Variants in MCPH1 observed in about 807,000 individuals in gnomAD.
MCPH1 encodes microcephalin.
In MCPH1, 104 loss-of-function variants were observed where a neutral mutation model predicts 84.5. The ratio of observed to expected loss-of-function variants is 1.23; its 90% confidence interval spans 1.05 to 1.45. The LOEUF (loss-of-function observed/expected upper bound fraction) is 1.45, where lower values mean the gene tolerates loss of function less well. Ranked by LOEUF, MCPH1 falls within the 40% of genes most tolerant of loss-of-function variation. MCPH1 has a pLI of 0.00. For synonymous variants in MCPH1, 514 were observed against 366.8 expected, an observed-to-expected ratio of 1.40 and a Z score of -4.58; for missense variants, 1,498 against 1,005.7, an observed-to-expected ratio of 1.49 and a Z score of -6.62.
intron 3 of MCPH1, among the ~76,000 whole-genome samples, chr8:6,423,023 A>G (rs1290103338): frequency 6.6e-6 from 1 of 150,816 alleles, no homozygotes; most frequent in African/African-American, 2.5e-5. Context: ...GGGTTTCACC[A>G]TGTTGGCCAG....
rs139371810 is a variant in MCPH1 at position 6,527,660 on chromosome 8, G to A, written c.2214+27731G>A. 1.2e-5 allele frequency: 19 copies of A among 1,613,490 alleles called. No individual in the cohort carries two copies. Among genetic ancestry groups the A allele is most frequent in the Admixed American group, 3.3e-5 (2 of 59,994 alleles). ...TTCCAAGAGCTGAAGTTCAAGTCTC[G>A]TGGTCTGATTTAATACCTAAATGTA... is the stretch of plus-strand genomic sequence containing the variant. On this transcript the variant is annotated intron_variant, in intron 12 of 13. Transcript: ENST00000344683.
intron 12 of MCPH1, among the ~76,000 whole-genome samples, chr8:6,548,953 A>T (rs1027056997): frequency 1.3e-5 from 2 of 152,100 alleles, no homozygotes; most frequent in Non-Finnish European, 2.9e-5. Context: ...ACCTGGGGGG[A>T]ATTATGTTTA....
chr8:6,641,291 T>G (rs530691971), intron 13 of MCPH1, among the ~76,000 whole-genome samples: 7 of 152,206 alleles, frequency 4.6e-5, no homozygotes, highest in Non-Finnish European at 1.0e-4. Context: ...TTTTACAACC[T>G]GGAAGAAAAT....
chr8:6,593,512 G>C (rs895881641), intron 12 of MCPH1, among the ~76,000 whole-genome samples: 2 of 151,988 alleles, frequency 1.3e-5, no homozygotes, highest in African/African-American at 4.8e-5. Context: ...ACGCCACCAC[G>C]CCTGGCTAAT....
At chr8:6,597,375 T>C (rs1442861371) in intron 12 of MCPH1, among the ~76,000 whole-genome samples, 1 of 152,204 alleles carries the variant, frequency 6.6e-6, no homozygotes, top group Admixed American at 6.5e-5. Context: ...TAGGAAGAGA[T>C]TCCTTAAAGC....
intron 12 of MCPH1, chr8:6,503,327 A>C (rs1812576557): frequency 1.3e-6 from 2 of 1,569,676 alleles, no homozygotes; most frequent in East Asian, 4.5e-5. Flanking sequence ...CGAAGACAGC[A>C]ATACTCAGCT....
intron 12 of MCPH1, among the ~76,000 whole-genome samples, chr8:6,619,712 G>A (rs1381412290): frequency 6.6e-6 from 1 of 152,144 alleles, no homozygotes; most frequent in African/African-American, 2.4e-5. Context: ...AGCCTCCCGA[G>A]TAGCTGGGAC....
At chr8:6,577,924 C>T (rs546578661) in intron 12 of MCPH1, among the ~76,000 whole-genome samples, 4 of 152,350 alleles carry the variant, frequency 2.6e-5, no homozygotes, top group South Asian at 4.1e-4. Flanking sequence ...AAAGGTCAAA[C>T]CCTTCCGAGA....
intron 12 of MCPH1, among the ~76,000 whole-genome samples, chr8:6,517,759 A>C (rs907559070): frequency 6.6e-6 from 1 of 152,230 alleles, no homozygotes; most frequent in East Asian, 1.9e-4. Flanking sequence ...CAGAAAGGTT[A>C]AATGACTCGC....
At chr8:6,562,664 T>C (rs2129575921) in intron 12 of MCPH1, 1 of 1,574,462 alleles carries the variant, frequency 6.4e-7, no homozygotes, top group Admixed American at 1.7e-5. Context: ...AGCCACTGAG[T>C]GTTGTTTTCC....
chr8:6,450,743 T>C (rs531113178), intron 8 of MCPH1, among the ~76,000 whole-genome samples: 1 of 152,074 alleles, frequency 6.6e-6, no homozygotes, highest in Admixed American at 6.6e-5. Context: ...AGTTGGGGTT[T>C]TTTGTTGTTG....
intron 1 of MCPH1, among the ~76,000 whole-genome samples, chr8:6,409,051 A>AT (rs1156873800): frequency 2.6e-5 from 4 of 151,756 alleles, no homozygotes; most frequent in African/African-American, 9.7e-5. Flanking sequence ...TGCTCGGCTA[A>AT]TTTTTTGTAT....
At chr8:6,617,561 C>T (rs1830934221) in intron 12 of MCPH1, among the ~76,000 whole-genome samples, 1 of 152,198 alleles carries the variant, frequency 6.6e-6, no homozygotes, top group Admixed American at 6.5e-5. Flanking sequence ...CGTTCCCCAA[C>T]TTACGTCTGT....
At chr8:6,495,422 T>G (rs1349535189) in intron 11 of MCPH1, among the ~76,000 whole-genome samples, 2 of 152,238 alleles carry the variant, frequency 1.3e-5, no homozygotes, top group African/African-American at 2.4e-5. Context: ...CACTGTCTAG[T>G]TGGGGAAGAA....
At chr8:6,504,938 T>C (rs1812983632) in intron 12 of MCPH1, among the ~76,000 whole-genome samples, 2 of 151,972 alleles carry the variant, frequency 1.3e-5, no homozygotes, top group Admixed American at 6.6e-5. Flanking sequence ...ATTTTACATA[T>C]GTTAAACTGA....
At chr8:6,550,737 G>A (rs1365650657) in intron 12 of MCPH1, among the ~76,000 whole-genome samples, 9 of 152,168 alleles carry the variant, frequency 5.9e-5, no homozygotes, top group African/African-American at 2.2e-4. Context: ...TCAGAGTTTT[G>A]CGGCCTGTGT....
At chr8:6,623,781 A>C (rs1328192728) in intron 13 of MCPH1, among the ~76,000 whole-genome samples, 2 of 151,820 alleles carry the variant, frequency 1.3e-5, no homozygotes, top group Admixed American at 1.3e-4. Flanking sequence ...AATGCCAAGA[A>C]TATAACCTTC....
At chr8:6,457,549 G>A (rs561781569) in intron 9 of MCPH1, among the ~76,000 whole-genome samples, 1 of 152,214 alleles carries the variant, frequency 6.6e-6, no homozygotes, top group South Asian at 2.1e-4. Context: ...AGGTTGCAGT[G>A]AGTCGAGATC....
chr8:6,524,676 G>A (rs560045959), intron 12 of MCPH1, among the ~76,000 whole-genome samples: 3 of 152,274 alleles, frequency 2.0e-5, no homozygotes, highest in South Asian at 2.1e-4. Context: ...TTAAGCCTGC[G>A]GAAATTTAGA....
Sources: gnomAD v4.1 joint callset for allele counts (sites outside exome capture counted in the v4.1 genomes callset) on GRCh38, gnomAD v4.1.1 for gene constraint, MANE v1.5 for transcripts, NCBI Gene and HGNC (gene_info 2026-07-23, HGNC 2026-07-21) for gene names.